The following LCP2 variants were observed in gnomAD, a reference collection of about 807,000 sequenced individuals.
The protein encoded by LCP2 is 76 kDa tyrosine phosphoprotein.
LCP2 carries 29 observed loss-of-function variants against 74.5 expected under a neutral mutation model. That is an observed-to-expected ratio of 0.39 (90% CI 0.29 to 0.53). The LOEUF is 0.53. Among genes scored for constraint, LCP2 ranks in the 20% least tolerant of loss-of-function variants. The pLI is 0.72. For synonymous variants in LCP2, 228 were observed against 229.5 expected, an observed-to-expected ratio of 0.99 and a Z score of 0.06; for missense variants, 604 against 634.6, an observed-to-expected ratio of 0.95 and a Z score of 0.52.
rs957627052 is a variant in LCP2, at chr5:170,283,690, C to A, written c.188+4280G>T. Among the ~76,000 whole-genome samples, 11 of 152,172 alleles carry A rather than the reference C, an allele frequency of 7.2e-5. 1 individual carries two copies. The highest frequency in any genetic ancestry group is 7.2e-4 in the Admixed American group (11 of 15,282). On this transcript the variant is annotated intron_variant, in intron 3 of 20. Transcript: ENST00000046794. ...GGACCTTTATAAATTGAGGGACACA[C>A]CCCACAACAACCACTCACTTCAGCC...
chr5:170,294,827 TA>T (rs1762345977), intron 1 of LCP2, among the ~76,000 whole-genome samples: 1 of 152,224 alleles, frequency 6.6e-6, no homozygotes, highest in Non-Finnish European at 1.5e-5. Context: ...CATTATGAGA[TA>T]AACCAGATGA....
In LCP2 at chr5:170,246,694, T is replaced by A. The variant is rs1430429515; in HGVS notation, c.*2003A>T. On this transcript the variant is annotated 3_prime_UTR_variant, in exon 21 of 21. Transcript: ENST00000046794. ...ATAAAAGAGAGATCTTGTCTCAGGC[T>A]TCATGTTTAACATTCCAGAGAGTGA... The A allele has an allele frequency of 6.6e-6, 1 of 152,654 alleles. No homozygotes were observed. Among genetic ancestry groups the A allele is most frequent in the Admixed American group, 6.5e-5 (1 of 15,318 alleles). 9.5% of individuals were successfully genotyped at this position (152,654 alleles called of 1,614,324 possible).
At chr5:170,281,654 A>G (rs1762108213) in intron 3 of LCP2, among the ~76,000 whole-genome samples, 1 of 152,210 alleles carries the variant, frequency 6.6e-6, no homozygotes, top group Admixed American at 6.5e-5. Flanking sequence ...TGTCTCAGGT[A>G]GAGAAATAGG....
rs1395208890 is a variant in LCP2 at position 170,248,316 on chromosome 5, T to A, written c.*381A>T. The A allele has an allele frequency of 6.0e-6, 1 of 165,630 alleles. No individual in the cohort carries two copies. Among genetic ancestry groups the A allele is most frequent in the African/African-American group, 2.4e-5 (1 of 41,532 alleles). 10.3% of individuals were successfully genotyped at this position (165,630 alleles called of 1,614,324 possible). On this transcript the variant is annotated 3_prime_UTR_variant, in exon 21 of 21. Transcript: ENST00000046794. Reference sequence around the variant, plus strand: ...CAGAGGTTTGGCTGTAAAAAACAAATCAGTTTTATGTGACACCAATAACTA... The same window carrying A: ...CAGAGGTTTGGCTGTAAAAAACAAAACAGTTTTATGTGACACCAATAACTA...
intron 19 of LCP2, chr5:170,251,496 AT>A: frequency 3.8e-6 from 1 of 266,146 alleles, no homozygotes; most frequent in South Asian, 3.7e-5. Context: ...TTATTGCTAC[AT>A]AATATTAATA....
chr5:170,262,753 C>T lies in LCP2; in HGVS notation c.819-11G>A, dbSNP rs1219745316. 1 of 1,613,472 alleles carries T rather than the reference C, an allele frequency of 6.2e-7. No individual in the cohort carries two copies. The highest frequency in any genetic ancestry group is 2.2e-5 in the East Asian group (1 of 44,900). ...TGCTCCCCGAGTGACCTGTGGAGTT[C>T]AGGAAAAGGATGTGTAAGAAACAAA... On this transcript the variant is annotated splice_polypyrimidine_tract_variant and intron_variant, in intron 12 of 20. Transcript: ENST00000046794.
At chr5:170,266,452 G>T (rs754492262) in intron 10 of LCP2, among the ~76,000 whole-genome samples, 1 of 152,190 alleles carries the variant, frequency 6.6e-6, no homozygotes, top group Admixed American at 6.5e-5. Context: ...CTCAATTCAG[G>T]TCCTCTCTCT....
intron 7 of LCP2, among the ~76,000 whole-genome samples, chr5:170,270,092 T>C (rs1407246229): frequency 6.6e-6 from 1 of 152,232 alleles, no homozygotes; most frequent in African/African-American, 2.4e-5. Context: ...ACTACTAGAA[T>C]GTAAGCCCCA....
In LCP2 at chr5:170,252,105, C is replaced by T. The variant is rs564402058; in HGVS notation, c.1323+329G>A. The T allele has an allele frequency of 4.8e-5, 10 of 207,664 alleles. No homozygotes were observed. The South Asian group carries it at 5.5e-4, about 11-fold the overall frequency. 12.9% of individuals were successfully genotyped at this position (207,664 alleles called of 1,614,324 possible). A position where few individuals can be genotyped will look rare whatever the true frequency, so the allele number is the denominator to read the frequency against. On this transcript the variant is annotated intron_variant, in intron 19 of 20. Transcript: ENST00000046794. Reference sequence around the variant, plus strand: ...TGTTAAGAGGAAGATAGAACTGGTACGATGTTGGAACTTTGAAAGAGAGTC... The same window carrying T: ...TGTTAAGAGGAAGATAGAACTGGTATGATGTTGGAACTTTGAAAGAGAGTC...
chr5:170,275,711 G>A (rs58883114), intron 4 of LCP2, 84 bp downstream of exon 4: 22 of 1,176,852 alleles, frequency 1.9e-5, no homozygotes, highest in Non-Finnish European at 2.4e-5. Context: ...TCAAAAAGTA[G>A]GGCAAAAACA....
chr5:170,261,093 C>T lies in LCP2; in HGVS notation c.957+14G>A. 1 of 1,590,782 alleles carries T rather than the reference C, an allele frequency of 6.3e-7. No homozygotes were observed. The highest frequency in any genetic ancestry group is 8.6e-7 in the Non-Finnish European group (1 of 1,159,110). On this transcript the variant is annotated intron_variant, in intron 14 of 20. Transcript: ENST00000046794. ...CCTGTATCAAGCACTTACAAACTGA[C>T]ATTTTGTACTTACATTCTCTCTTCT...
At chr5:170,261,484 C>T (rs4526124) in intron 13 of LCP2, among the ~76,000 whole-genome samples, 87,479 of 151,338 alleles carry the variant, frequency 0.58, 26,421 homozygotes, top group African/African-American at 0.77. Context: ...CACACACACA[C>T]ATGTGGTTTA....
At chr5:170,281,485 T>A (rs940795614) in intron 3 of LCP2, among the ~76,000 whole-genome samples, 1 of 152,214 alleles carries the variant, frequency 6.6e-6, no homozygotes, top group East Asian at 1.9e-4. Context: ...TTTCACTGTG[T>A]TAGCCAGGAT....
chr5:170,254,602 T>C (rs1442330226), intron 17 of LCP2, among the ~76,000 whole-genome samples: 1 of 152,194 alleles, frequency 6.6e-6, no homozygotes, highest in East Asian at 1.9e-4. Flanking sequence ...CCCATTTTTT[T>C]TGCAGTCCAA....
At chr5:170,286,257 C>A (rs1762182064) in intron 3 of LCP2, among the ~76,000 whole-genome samples, 1 of 152,190 alleles carries the variant, frequency 6.6e-6, no homozygotes. Flanking sequence ...TCAGATCCGG[C>A]TGACTATTGC....
chr5:170,255,135 A>C (rs1460138984), intron 17 of LCP2, among the ~76,000 whole-genome samples: 1 of 152,222 alleles, frequency 6.6e-6, no homozygotes, highest in Non-Finnish European at 1.5e-5. Context: ...GTGTTTGCAA[A>C]ACACAGAGAA....
chr5:170,252,514 G>GA lies in LCP2; in HGVS notation c.1246-4dup. The GA allele has an allele frequency of 6.7e-7, 1 of 1,489,978 alleles. No individual in the cohort carries two copies. Among genetic ancestry groups the GA allele is most frequent in the Non-Finnish European group, 9.3e-7 (1 of 1,080,084 alleles). 92.3% of individuals were successfully genotyped at this position (1,489,978 alleles called of 1,614,324 possible). A position where few individuals can be genotyped will look rare whatever the true frequency, so the allele number is the denominator to read the frequency against. On this transcript the variant is annotated splice_region_variant and splice_polypyrimidine_tract_variant and intron_variant, in intron 18 of 20. Coordinates refer to ENST00000046794, the MANE Select transcript of LCP2 (RefSeq NM_005565.5). ...TACCACTCTTCATTTAATGAATTCT[G>GA]AAAATGTAAATTTTTAGAAACTGAA...
chr5:170,289,076 T>A (rs771081150), intron 2 of LCP2, among the ~76,000 whole-genome samples: 7 of 152,240 alleles, frequency 4.6e-5, no homozygotes, highest in Non-Finnish European at 8.8e-5. Context: ...ACTTAGCAGC[T>A]GTGTCATTTA....
At chr5:170,296,806 T>C (rs578028314) in intron 1 of LCP2, among the ~76,000 whole-genome samples, 2 of 152,314 alleles carry the variant, frequency 1.3e-5, no homozygotes, top group East Asian at 3.9e-4. Context: ...ACAAGCCTCT[T>C]TTCCTCTAGG....
Sources: allele counts gnomAD v4.1 joint callset (sites outside exome capture counted in the v4.1 genomes callset), GRCh38; gene constraint gnomAD v4.1.1; transcripts MANE v1.5; gene names NCBI Gene and HGNC (gene_info 2026-07-23, HGNC 2026-07-21).